AGPAT3: variants seen among roughly 807,000 people sequenced by gnomAD.
AGPAT3 encodes the protein 1-acyl-sn-glycerol-3-phosphate acyltransferase gamma.
In AGPAT3, 5 loss-of-function variants were observed where a neutral mutation model predicts 47.3. The ratio of observed to expected loss-of-function variants is 0.11; its 90% CI spans 0.06 to 0.22. The LOEUF is 0.22. Among genes scored for constraint, AGPAT3 ranks in the 10% least tolerant of loss-of-function variants. The pLI is 1.00. For missense variants in AGPAT3, 315 were observed against 493.0 expected (o/e 0.64, Z 3.42); for synonymous variants, 212 against 208.3 (o/e 1.02, Z -0.15).
chr21:43,970,569 G>A lies in AGPAT3; in HGVS notation c.511-84G>A. 6.8e-7 allele frequency: 1 copy of A among 1,463,238 alleles called. No homozygotes were observed. Among genetic ancestry groups the A allele is most frequent in the Non-Finnish European group, 9.3e-7 (1 of 1,069,578 alleles). The allele number at this position is 1,463,238 out of a possible 1,614,324, so 90.6% of individuals were successfully genotyped here. ...CACAAATTCAGCCACAACCTTTGCT[G>A]CCTGTCAGAGAGGCAGGCCTGGCCT... is the stretch of plus-strand genomic sequence containing the variant. On this transcript the variant is annotated intron_variant, in intron 5 of 9. Coordinates refer to ENST00000291572, the MANE Select transcript of AGPAT3 (RefSeq NM_020132.5). The surrounding 1 kb of genome is among the most constrained non-coding windows in gnomAD (Gnocchi z 5.8).
At chr21:43,879,653 T>G (rs1000776617) in intron 1 of AGPAT3, among the ~76,000 whole-genome samples, 9 of 152,096 alleles carry the variant, frequency 5.9e-5, no homozygotes, top group Admixed American at 2.6e-4. Context: ...GCTGCACATG[T>G]GAAAATGCCT....
chr21:43,925,296 C>T (rs1174199841), intron 2 of AGPAT3: 1 of 152,396 alleles, frequency 6.6e-6, no homozygotes, highest in Non-Finnish European at 1.5e-5. Flanking sequence ...AGTCCTCCTC[C>T]CTGCTCAGGC....
At chr21:43,909,344 G>T (rs551271844) in intron 2 of AGPAT3, among the ~76,000 whole-genome samples, 2 of 150,660 alleles carry the variant, frequency 1.3e-5, no homozygotes, top group Non-Finnish European at 2.9e-5. Flanking sequence ...CGCCCAGGCC[G>T]GAGTGTGGTG....
intron 2 of AGPAT3, among the ~76,000 whole-genome samples, chr21:43,914,157 G>C (rs2086683401): frequency 6.6e-6 from 1 of 152,316 alleles, no homozygotes; most frequent in Admixed American, 6.5e-5. Flanking sequence ...GCTGCACAAG[G>C]CTATGCGCTC....
intron 3 of AGPAT3, 118 bp from the exon 4 acceptor site, chr21:43,967,828 A>G: frequency 1.9e-6 from 2 of 1,033,936 alleles, no homozygotes; most frequent in Non-Finnish European, 2.8e-6. Flanking sequence ...ATCAAAACTC[A>G]TGTTTAGCAG....
rs905520861 is a variant in AGPAT3 at position 43,926,978 on chromosome 21, CAAAAA to C, written c.-49+22978_-49+22982del. Among the ~76,000 whole-genome samples the C allele has an allele frequency of 2.2e-3, 119 of 54,476 alleles. 1 individual carries two copies. The highest frequency in any genetic ancestry group is 7.2e-3 in the African/African-American group (112 of 15,458). 35.7% of individuals were successfully genotyped at this position (54,476 alleles called of 152,430 possible). On this transcript the variant is annotated intron_variant, in intron 2 of 9. Coordinates refer to ENST00000291572, the MANE Select transcript of AGPAT3 (RefSeq NM_020132.5). ...TAGGCGACAGAGGAAGACTCTGTCTCAAAAAAAAAAAAAAAAAAAAAAAGAGACAG... is the reference window on the plus strand; with the variant it reads ...TAGGCGACAGAGGAAGACTCTGTCTCAAAAAAAAAAAAAAAAAAGAGACAG...
intron 2 of AGPAT3, among the ~76,000 whole-genome samples, chr21:43,917,353 G>A (rs997865135): frequency 1.3e-5 from 2 of 152,190 alleles, no homozygotes; most frequent in African/African-American, 2.4e-5. Flanking sequence ...CCCTCCAGGC[G>A]CTCAGGTCTG....
chr21:43,879,125 T>C (rs1463889731), intron 1 of AGPAT3, among the ~76,000 whole-genome samples: 2 of 152,062 alleles, frequency 1.3e-5, no homozygotes, highest in East Asian at 1.9e-4. Flanking sequence ...TGAGGCAGGC[T>C]GATCACTCGA....
At chr21:43,906,110 A>G (rs1332396858) in intron 2 of AGPAT3, among the ~76,000 whole-genome samples, 1 of 152,222 alleles carries the variant, frequency 6.6e-6, no homozygotes, top group Non-Finnish European at 1.5e-5. Flanking sequence ...ACTGAGGTCT[A>G]GGAAAAAGAA....
At chr21:43,957,883 AG>A (rs148353797) in intron 2 of AGPAT3, among the ~76,000 whole-genome samples, 1 of 152,128 alleles carries the variant, frequency 6.6e-6, no homozygotes, top group African/African-American at 2.4e-5. Flanking sequence ...CCAAGAGTGG[AG>A]GGGGGCCACC....
chr21:43,896,943 G>GTTTTTTTTTTTTTTTTTTTTTTTTTTTTT (rs61657564), intron 1 of AGPAT3, among the ~76,000 whole-genome samples: 4 of 42,322 alleles, frequency 9.5e-5, no homozygotes, highest in Non-Finnish European at 8.9e-5. Flanking sequence ...TTGACAGTCC[G>GTTTTTTTTTTTTTTTTTTTTTTTTTTTTT]TTTTTTTTTT....
chr21:43,909,970 C>A (rs895291088), intron 2 of AGPAT3, among the ~76,000 whole-genome samples: 1 of 152,172 alleles, frequency 6.6e-6, no homozygotes, highest in African/African-American at 2.4e-5. Flanking sequence ...TGCCCCAGGA[C>A]ACCCTGGACT....
Position 43,982,358 on chromosome 21 carries a change from G to A in AGPAT3, c.1097G>A (p.Ser366Asn), listed in dbSNP as rs752942166. The A allele has an allele frequency of 6.2e-7, 1 of 1,614,066 alleles. No individual in the cohort carries two copies. Among genetic ancestry groups the A allele is most frequent in the South Asian group, 1.1e-5 (1 of 91,084 alleles). ...GTAACTGAGATAGAAAAAGGCTCCA[G>A]CTACGGAAACCAAGAGTTTAAGAAA... ...IGVTEIEKGS[S>N]YGNQEFKKKE Residue 366 changes from serine (S) to asparagine (N), a missense_variant, in exon 10 of 10, where the codon AGC becomes AAC. Coordinates refer to ENST00000291572, the MANE Select transcript of AGPAT3 (RefSeq NM_020132.5). The surrounding 1 kb of genome is among the most constrained non-coding windows in gnomAD (Gnocchi z 6.2).
Position 43,981,767 on chromosome 21 carries a change from C to T in AGPAT3, c.1043-537C>T, listed in dbSNP as rs1047775431. 3.3e-5 allele frequency among the ~76,000 whole-genome samples: 5 copies of T among 151,964 alleles called. No homozygotes were observed. Among genetic ancestry groups the T allele is most frequent in the South Asian group, 4.2e-4 (2 of 4,810 alleles). ...AGTCCGTGTGCATCGCCCCGTGAGC[C>T]GACTCCCCAGGCCCAGCAGCTGGGC... is the stretch of plus-strand genomic sequence containing the variant. On this transcript the variant is annotated intron_variant, in intron 9 of 9. Coordinates refer to ENST00000291572, the MANE Select transcript of AGPAT3 (RefSeq NM_020132.5). The surrounding 1 kb of genome is among the most constrained non-coding windows in gnomAD (Gnocchi z 5.3).
At chr21:43,944,067 C>T (rs372523995) in intron 2 of AGPAT3, among the ~76,000 whole-genome samples, 5 of 152,332 alleles carry the variant, frequency 3.3e-5, no homozygotes, top group African/African-American at 7.2e-5. Context: ...CCACTTCAGG[C>T]GCCGCCTCTC....
At chr21:43,948,779 AT>A (rs1338621524) in intron 2 of AGPAT3, among the ~76,000 whole-genome samples, 1 of 152,246 alleles carries the variant, frequency 6.6e-6, no homozygotes, top group East Asian at 1.9e-4. Context: ...CAATAGAAAT[AT>A]AAATACAATA....
At chr21:43,972,015 G>T (rs1436574245) in intron 7 of AGPAT3, among the ~76,000 whole-genome samples, 1 of 152,222 alleles carries the variant, frequency 6.6e-6, no homozygotes, top group Non-Finnish European at 1.5e-5. Context: ...GACCACCTGC[G>T]GAGCCCCTGG....
At position 43,908,372 on chromosome 21, in the gene AGPAT3, C is replaced by A. The variant is rs1889578932; in HGVS notation, c.-49+4353C>A. On this transcript the variant is annotated intron_variant, in intron 2 of 9. Coordinates refer to ENST00000291572, the MANE Select transcript of AGPAT3 (RefSeq NM_020132.5). The surrounding 1 kb of genome is among the most constrained non-coding windows in gnomAD (Gnocchi z 4.9). ...CTGCCAACCTGACCTGTGTGTTGAG[C>A]CCCGGCCCTTCTCGATCAGAAAGGA... Among the ~76,000 whole-genome samples the A allele has an allele frequency of 6.6e-6, 1 of 152,150 alleles. No homozygotes were observed. The highest frequency in any genetic ancestry group is 6.5e-5 in the Admixed American group (1 of 15,278).
At chr21:43,945,328 T>C (rs2246604) in intron 2 of AGPAT3, among the ~76,000 whole-genome samples, 135,729 of 152,302 alleles carry the variant, frequency 0.89, 60,704 homozygotes, top group African/African-American at 0.96. Flanking sequence ...CACCTGACAG[T>C]TGTCACCCTA....
Sources: allele counts gnomAD v4.1 joint callset (sites outside exome capture counted in the v4.1 genomes callset), GRCh38; gene constraint gnomAD v4.1.1; non-coding constraint Gnocchi (gnomAD v3.1); transcripts MANE v1.5; gene names NCBI Gene and HGNC (gene_info 2026-07-23, HGNC 2026-07-21).